The following PLXNA4 variants were observed in gnomAD, a reference collection of about 807,000 sequenced individuals.
PLXNA4 encodes plexin-A4.
PLXNA4 carries 44 observed loss-of-function variants against 191.8 expected under a neutral mutation model. The ratio of observed to expected loss-of-function variants is 0.23; its 90% CI spans 0.18 to 0.29. The LOEUF (loss-of-function observed/expected upper bound fraction) is 0.29. Ranked by LOEUF, PLXNA4 falls within the 10% of genes least tolerant of loss-of-function variation. The pLI, the probability that PLXNA4 is intolerant of heterozygous loss-of-function variation, is 1.00. For missense variants in PLXNA4, 1,800 were observed against 2,488.8 expected (o/e 0.72, Z 5.89); for synonymous variants, 1,082 against 1,009.5 (o/e 1.07, Z -1.36).
chr7:132,149,713 C>G (rs986733801), intron 25 of PLXNA4, among the ~76,000 whole-genome samples: 2 of 152,202 alleles, frequency 1.3e-5, no homozygotes, highest in Non-Finnish European at 2.9e-5. Context: ...GAATGCTGGG[C>G]TCGTTCAGAG....
intron 3 of PLXNA4, among the ~76,000 whole-genome samples, chr7:132,467,583 C>T (rs551422590): frequency 3.9e-5 from 6 of 152,322 alleles, no homozygotes; most frequent in Admixed American, 3.3e-4. Flanking sequence ...GTGCCAAGCA[C>T]ATTTTCTGGT....
chr7:132,339,527 A>C (rs1802944077), intron 3 of PLXNA4, among the ~76,000 whole-genome samples: 1 of 152,232 alleles, frequency 6.6e-6, no homozygotes, highest in South Asian at 2.1e-4. Flanking sequence ...TTGCCAAGAT[A>C]TTTACTGTGT....
chr7:132,421,943 C>T (rs1333789359), intron 3 of PLXNA4, among the ~76,000 whole-genome samples: 1 of 152,180 alleles, frequency 6.6e-6, no homozygotes, highest in Non-Finnish European at 1.5e-5. Context: ...TATTCTTCAC[C>T]CTCCTTGGCT....
intron 5 of PLXNA4, among the ~76,000 whole-genome samples, chr7:132,236,657 C>A (rs1255882886): frequency 2.0e-5 from 3 of 152,154 alleles, no homozygotes; most frequent in Middle Eastern, 3.2e-3. Flanking sequence ...GCCTGGCACA[C>A]TGCTGGGCAC....
In PLXNA4 at chr7:132,145,211, CA is replaced by C; in HGVS notation, c.5132del (p.Leu1711ArgfsTer35). 2 of 1,614,206 alleles carry C rather than the reference CA, an allele frequency of 1.2e-6. No individual in the cohort carries two copies. Among genetic ancestry groups the C allele is most frequent in the Non-Finnish European group, 1.7e-6 (2 of 1,180,050 alleles). ...STAHRGSALP[L>X]AIKYMFDFLD... ...GGAAGTCAAACATGTACTTGATGGC[CA>C]GGGGCAGGGCAGAGCCACGGTGTGC... is the stretch of plus-strand genomic sequence containing the variant. On this transcript the variant is annotated frameshift_variant, in exon 29 of 32. Transcript: ENST00000321063. LOFTEE classifies it high-confidence loss of function.
chr7:132,163,430 T>C (rs754678952), intron 24 of PLXNA4, among the ~76,000 whole-genome samples: 8 of 152,214 alleles, frequency 5.3e-5, no homozygotes, highest in Non-Finnish European at 8.8e-5. Context: ...TTCTCATTTT[T>C]TCAGATAAAG....
intron 3 of PLXNA4, among the ~76,000 whole-genome samples, chr7:132,413,313 G>A (rs1220620076): frequency 6.6e-6 from 1 of 152,156 alleles, no homozygotes; most frequent in African/African-American, 2.4e-5. Flanking sequence ...CCAGGGGTTT[G>A]CTTCACTGGC....
At chr7:132,550,849 T>A (rs1194989635) in intron 1 of PLXNA4, among the ~76,000 whole-genome samples, 1 of 152,150 alleles carries the variant, frequency 6.6e-6, no homozygotes, top group Non-Finnish European at 1.5e-5. Flanking sequence ...GGTCTCTCCC[T>A]GACCTCCTGG....
At chr7:132,170,875 C>T (rs1378309149) in intron 21 of PLXNA4, among the ~76,000 whole-genome samples, 1 of 152,216 alleles carries the variant, frequency 6.6e-6, no homozygotes, top group Non-Finnish European at 1.5e-5. Context: ...CCTTGGAGGG[C>T]CAGTTCTCAG....
At chr7:132,291,782 C>T (rs1303860409) in intron 4 of PLXNA4, among the ~76,000 whole-genome samples, 1 of 152,092 alleles carries the variant, frequency 6.6e-6, no homozygotes, top group African/African-American at 2.4e-5. Context: ...ACACTGGAAC[C>T]CAAGGAGAGT....
chr7:132,417,466 ATATAGACT>A (rs1366396171), intron 3 of PLXNA4, among the ~76,000 whole-genome samples: 2 of 152,170 alleles, frequency 1.3e-5, no homozygotes, highest in African/African-American at 4.8e-5. Context: ...AAATCTCAGG[ATATAGACT>A]TTGTCCAGTA....
chr7:132,532,462 T>C (rs1799656729), intron 1 of PLXNA4, among the ~76,000 whole-genome samples: 2 of 152,262 alleles, frequency 1.3e-5, no homozygotes, highest in African/African-American at 4.8e-5. Context: ...TTTATTCTTA[T>C]GAAATCAGTT....
chr7:132,505,591 A>T (rs1377932379), intron 2 of PLXNA4, among the ~76,000 whole-genome samples: 1 of 152,194 alleles, frequency 6.6e-6, no homozygotes, highest in African/African-American at 2.4e-5. Context: ...GGTGTCCTGC[A>T]GGCAAGGGGG....
chr7:132,178,713 T>TACACATACACACACACACACAC (rs142378860), intron 20 of PLXNA4, among the ~76,000 whole-genome samples: 10 of 112,080 alleles, frequency 8.9e-5, no homozygotes, highest in Non-Finnish European at 1.6e-4. Flanking sequence ...CACATACACA[T>TACACATACACACACACACACAC]ACACACACAC....
At chr7:132,537,507 A>T (rs1799897361) in intron 1 of PLXNA4, among the ~76,000 whole-genome samples, 1 of 152,216 alleles carries the variant, frequency 6.6e-6, no homozygotes, top group Non-Finnish European at 1.5e-5. Context: ...TTCCTATTTC[A>T]AAAAAGTTAA....
chr7:132,377,134 T>C (rs1407740238), intron 3 of PLXNA4, among the ~76,000 whole-genome samples: 1 of 152,144 alleles, frequency 6.6e-6, no homozygotes, highest in Non-Finnish European at 1.5e-5. Context: ...AAAGGCTATT[T>C]AGGAAAAGCC....
At position 132,195,062 on chromosome 7, in the gene PLXNA4, G is replaced by A. The variant is rs889242031; in HGVS notation, c.2739-883C>T. ...TTTGCATACATATACACATATATAC[G>A]TACACACATATGTATATTTATATTT... is the stretch of plus-strand genomic sequence containing the variant. On this transcript the variant is annotated intron_variant, in intron 13 of 31. Coordinates refer to ENST00000321063, the MANE Select transcript of PLXNA4 (RefSeq NM_020911.2). 3.9e-5 allele frequency among the ~76,000 whole-genome samples: 6 copies of A among 151,924 alleles called. No homozygotes were observed. The South Asian group carries it at 6.2e-4, about 16-fold the overall frequency.
At chr7:132,211,292 GCAA>G in intron 9 of PLXNA4, 149 bp from the exon 10 acceptor site, 3 of 752,362 alleles carry the variant, frequency 4.0e-6, no homozygotes, top group Non-Finnish European at 6.4e-6. Context: ...CACCCAGTGG[GCAA>G]TGCACTGAGG....
rs373719875 is a variant in PLXNA4, at chr7:132,327,173, A to AAAAAAAAAAAAAAG, written c.1372-28952_1372-28951insCTTTTTTTTTTTTT. ...GAAAGAGGGAGAAAAGGAAGGCAAA[A>AAAAAAAAAAAAAAG]AAAAAAGAAAAAAGAAAGGGAGGGA... On this transcript the variant is annotated intron_variant, in intron 3 of 31. Transcript: ENST00000321063. Among the ~76,000 whole-genome samples, 75 of 133,980 alleles carry AAAAAAAAAAAAAAG rather than the reference A, an allele frequency of 5.6e-4. 1 individual carries two copies. The highest frequency in any genetic ancestry group is 8.7e-4 in the Non-Finnish European group (52 of 60,054). The allele number at this position is 133,980 out of a possible 152,430, so 87.9% of individuals were successfully genotyped here.
Sources: allele counts gnomAD v4.1 joint callset (sites outside exome capture counted in the v4.1 genomes callset), GRCh38; gene constraint gnomAD v4.1.1; transcripts MANE v1.5; gene names NCBI Gene and HGNC (gene_info 2026-07-23, HGNC 2026-07-21).